The following FANCI variants were observed in gnomAD, a reference collection of about 807,000 sequenced individuals.
The protein encoded by FANCI is FA complementation group I.
In FANCI, 156 loss-of-function variants were observed where a neutral mutation model predicts 176.1. That is an observed-to-expected ratio of 0.89 (90% CI 0.78 to 1.01). FANCI has a LOEUF of 1.01. Among genes scored for constraint, FANCI ranks in the 50% least tolerant of loss-of-function variants. The pLI, the probability that FANCI is intolerant of heterozygous loss-of-function variation, is 0.00. For missense variants in FANCI, 1,678 were observed against 1,534.1 expected (o/e 1.09, Z -1.57); for synonymous variants, 613 against 541.7 (o/e 1.13, Z -1.83).
intron 16 of FANCI, 102 bp downstream of exon 16, chr15:89,281,937 G>T: frequency 9.1e-7 from 1 of 1,101,418 alleles, no homozygotes. Context: ...CAGTGATCAT[G>T]AGAATTCCTA....
At chr15:89,315,442 G>T (rs893793588) in intron 37 of FANCI, 53 bp downstream of exon 37, 24 of 1,263,662 alleles carry the variant, frequency 1.9e-5, no homozygotes, top group Non-Finnish European at 2.6e-5. Flanking sequence ...CTGGTTAGCA[G>T]CCTATCTGGG....
intron 18 of FANCI, 107 bp from the exon 19 acceptor site, chr15:89,290,106 G>GA (rs1369488388): frequency 3.2e-6 from 3 of 928,386 alleles, no homozygotes; most frequent in Non-Finnish European, 1.8e-6. Flanking sequence ...GTCTCAATAG[G>GA]AAAAAACTGA....
chr15:89,254,671 T>C (rs1459625536), intron 2 of FANCI, among the ~76,000 whole-genome samples: 2 of 152,174 alleles, frequency 1.3e-5, no homozygotes, highest in East Asian at 3.9e-4. Flanking sequence ...TAGCATGGCA[T>C]ATCAGCACAC....
At chr15:89,312,847 A>T in intron 34 of FANCI, 57 bp from the exon 35 acceptor site, 1 of 1,388,780 alleles carries the variant, frequency 7.2e-7, no homozygotes, top group Non-Finnish European at 1.0e-6. Context: ...TAGCACTAGC[A>T]TGCTAGCTCC....
At chr15:89,246,113 G>A (rs1365654890) in intron 1 of FANCI, among the ~76,000 whole-genome samples, 1 of 152,126 alleles carries the variant, frequency 6.6e-6, no homozygotes, top group African/African-American at 2.4e-5. Flanking sequence ...TTATGGAGAC[G>A]GGAAACACAG....
At chr15:89,298,041 TTAATG>T (rs980306128) in intron 24 of FANCI, among the ~76,000 whole-genome samples, 10 of 152,050 alleles carry the variant, frequency 6.6e-5, no homozygotes, top group African/African-American at 1.7e-4. Context: ...AAATCCTTAA[TTAATG>T]TAATCAGCCC....
intron 9 of FANCI, among the ~76,000 whole-genome samples, chr15:89,267,487 C>A (rs901457425): frequency 3.3e-5 from 5 of 151,500 alleles, no homozygotes; most frequent in Non-Finnish European, 5.9e-5. Flanking sequence ...TCATTTGTGA[C>A]CCTTGAAAAA....
chr15:89,313,514 T>C (rs944760098), intron 35 of FANCI, among the ~76,000 whole-genome samples: 3 of 152,158 alleles, frequency 2.0e-5, no homozygotes, highest in African/African-American at 2.4e-5. Flanking sequence ...TTAGGTAAAG[T>C]TGGTGAATGC....
At chr15:89,300,184 T>C in intron 25 of FANCI, 116 bp from the exon 26 acceptor site, 1 of 1,164,410 alleles carries the variant, frequency 8.6e-7, no homozygotes, top group African/African-American at 1.6e-5. Context: ...CACAAAATTT[T>C]AGAAATTTAA....
chr15:89,305,022 C>A, intron 28 of FANCI, 93 bp from the exon 29 acceptor site: 3 of 1,475,614 alleles, frequency 2.0e-6, no homozygotes, highest in Non-Finnish European at 2.8e-6. Context: ...GTGATCCACC[C>A]GCCTTGGCCT....
At chr15:89,306,749 G>T (rs766187402) in intron 32 of FANCI, among the ~76,000 whole-genome samples, 11 of 152,092 alleles carry the variant, frequency 7.2e-5, no homozygotes, top group Non-Finnish European at 1.6e-4. Flanking sequence ...TCTTTGGCAT[G>T]TATGTGGCAC....
rs1667155266 is a variant in FANCI at position 89,314,790 on chromosome 15, G to A, written c.3816+83G>A. ...AAACTGAAGCAGCACAACTACAATG[G>A]AGGAAAAGAGACTCTGGGCCATTTG... On this transcript the variant is annotated intron_variant, in intron 36 of 37. Transcript: ENST00000310775. 6 of 935,370 alleles carry A rather than the reference G, an allele frequency of 6.4e-6. No homozygotes were observed. In the South Asian group the frequency reaches 8.0e-5, roughly 12 times the overall value. The allele number at this position is 935,370 out of a possible 1,614,324, so 57.9% of individuals were successfully genotyped here.
At chr15:89,259,455 T>C (rs1181336455) in intron 3 of FANCI, 2 of 152,462 alleles carry the variant, frequency 1.3e-5, no homozygotes. Flanking sequence ...ACTTGCTAAA[T>C]ATTTTATAGA....
chr15:89,248,492 T>G (rs1165519957), intron 2 of FANCI, among the ~76,000 whole-genome samples: 2 of 152,142 alleles, frequency 1.3e-5, no homozygotes, highest in Admixed American at 6.6e-5. Context: ...TCTGACATAC[T>G]AACTAGGAAT....
intron 27 of FANCI, among the ~76,000 whole-genome samples, chr15:89,303,089 C>T (rs1166535804): frequency 1.3e-5 from 2 of 152,158 alleles, no homozygotes; most frequent in Non-Finnish European, 2.9e-5. Context: ...CCCAATCCTA[C>T]CCCTCTTCAC....
intron 9 of FANCI, 143 bp from the exon 10 acceptor site, chr15:89,268,256 C>A: frequency 2.4e-6 from 2 of 843,472 alleles, no homozygotes; most frequent in Non-Finnish European, 3.9e-6. Context: ...CCACATCGGG[C>A]TGATTTTTTT....
chr15:89,300,434 G>A (rs1474082750), intron 26 of FANCI, 49 bp downstream of exon 26: 3 of 1,539,266 alleles, frequency 1.9e-6, no homozygotes, highest in Non-Finnish European at 2.7e-6. Flanking sequence ...GCTTTGCAAA[G>A]GAACTGTTAG....
At chr15:89,308,701 T>A (rs1033572153) in intron 34 of FANCI, among the ~76,000 whole-genome samples, 1 of 152,106 alleles carries the variant, frequency 6.6e-6, no homozygotes, top group Non-Finnish European at 1.5e-5. Context: ...TTGCAGCACT[T>A]TGGGAGGCCG....
At position 89,307,489 on chromosome 15, in the gene FANCI, G is replaced by A; in HGVS notation, c.3551G>A (p.Cys1184Tyr). 6.2e-7 allele frequency: 1 copy of A among 1,614,154 alleles called. No homozygotes were observed. Among genetic ancestry groups the A allele is most frequent in the East Asian group, 2.2e-5 (1 of 44,884 alleles). Residue 1184 changes from cysteine to tyrosine, a missense_variant, in exon 33 of 38, where the codon TGT becomes TAT. Physicochemically the swap from Cys to Tyr is radical, Grantham distance 194. Coordinates refer to ENST00000310775, the MANE Select transcript of FANCI (RefSeq NM_001113378.2). Reference protein sequence around the residue: ...TALVRYYLQVCQSSGGIPKNM... With the variant: ...TALVRYYLQVYQSSGGIPKNM... ...TTTTTTTATTAGTATCTCCAGGTGT[G>A]TCAGAGCTCCGGAGGAATTCCAAAA...
Sources: allele counts gnomAD v4.1 joint callset (sites outside exome capture counted in the v4.1 genomes callset), GRCh38; gene constraint gnomAD v4.1.1; transcripts MANE v1.5; gene names NCBI Gene and HGNC (gene_info 2026-07-23, HGNC 2026-07-21).